WDR7: variants seen among roughly 807,000 people sequenced by gnomAD.
The protein encoded by WDR7 is WD repeat-containing protein 7.
A neutral mutation model predicts 169.4 loss-of-function variants in WDR7; 46 were observed. That is an observed-to-expected ratio of 0.27 (90% confidence interval 0.21 to 0.35). WDR7 has a LOEUF of 0.35. WDR7 is among the 10% of genes least tolerant of loss of function. WDR7 has a pLI of 1.00. For synonymous variants in WDR7, 612 were observed against 666.8 expected (o/e 0.92, Z 1.27); for missense variants, 1,534 against 1,859.3 (o/e 0.83, Z 3.22).
intron 1 of WDR7, among the ~76,000 whole-genome samples, chr18:56,663,217 AATAC>A (rs2024942104): frequency 6.6e-6 from 1 of 152,216 alleles, no homozygotes; most frequent in Non-Finnish European, 1.5e-5. Flanking sequence ...CAAATACACA[AATAC>A]ACTGGGGGTT....
At chr18:56,871,949 A>G (rs571633274) in intron 20 of WDR7, among the ~76,000 whole-genome samples, 2 of 152,242 alleles carry the variant, frequency 1.3e-5, no homozygotes, top group Non-Finnish European at 2.9e-5. Flanking sequence ...CTCATTTCTA[A>G]ATAAAGAATT....
chr18:57,021,798 T>A (rs1157020700), intron 27 of WDR7, among the ~76,000 whole-genome samples: 10 of 152,230 alleles, frequency 6.6e-5, no homozygotes, highest in Non-Finnish European at 4.4e-5. Flanking sequence ...TTTATGAGAT[T>A]CAGTTTATTG....
intron 20 of WDR7, among the ~76,000 whole-genome samples, chr18:56,876,339 C>A (rs1325388684): frequency 1.3e-5 from 2 of 152,102 alleles, no homozygotes; most frequent in Non-Finnish European, 2.9e-5. Context: ...GACCTCCAAT[C>A]AAGATGGCTC....
intron 20 of WDR7, among the ~76,000 whole-genome samples, chr18:56,819,893 T>G (rs2045057049): frequency 6.6e-6 from 1 of 152,260 alleles, no homozygotes; most frequent in East Asian, 1.9e-4. Flanking sequence ...ATCACTTAAT[T>G]GCTATGTAGA....
intron 20 of WDR7, among the ~76,000 whole-genome samples, chr18:56,847,290 G>A (rs1254657165): frequency 6.6e-6 from 1 of 152,122 alleles, no homozygotes; most frequent in Admixed American, 6.5e-5. Context: ...TAGAGTATTT[G>A]GCCAAAGAAA....
In WDR7 at chr18:56,883,093, C is replaced by A. The variant is rs569713457; in HGVS notation, c.3526+2928C>A. Reference sequence around the variant, plus strand: ...GATGCGGTGGCAGGCGCCTGTAGTCCCAGCTGCTCGGGAGGCTGAGGCAGG... The same window carrying A: ...GATGCGGTGGCAGGCGCCTGTAGTCACAGCTGCTCGGGAGGCTGAGGCAGG... On this transcript the variant is annotated intron_variant, in intron 21 of 27. Transcript: ENST00000254442. 1.5e-3 allele frequency among the ~76,000 whole-genome samples: 221 copies of A among 151,956 alleles called. 2 individuals carry two copies. Among genetic ancestry groups the A allele is most frequent in the African/African-American group, 5.2e-3 (215 of 41,448 alleles).
chr18:56,921,960 A>T (rs933208358), intron 21 of WDR7, among the ~76,000 whole-genome samples: 6 of 152,122 alleles, frequency 3.9e-5, no homozygotes, highest in Non-Finnish European at 7.4e-5. Context: ...AAATGACTGA[A>T]ATGCTGTAAA....
chr18:56,768,746 A>C (rs2044106932), intron 16 of WDR7, among the ~76,000 whole-genome samples: 1 of 152,090 alleles, frequency 6.6e-6, no homozygotes, highest in Admixed American at 6.6e-5. Flanking sequence ...GTGCACATTG[A>C]CTTACAATGT....
intron 26 of WDR7, among the ~76,000 whole-genome samples, chr18:57,013,034 CA>C (rs2048158771): frequency 6.6e-6 from 1 of 152,206 alleles, no homozygotes; most frequent in African/African-American, 2.4e-5. Flanking sequence ...CAACAGTCCC[CA>C]ACCTTTTTGG....
chr18:56,828,919 T>G (rs985147043), intron 20 of WDR7, among the ~76,000 whole-genome samples: 1 of 152,018 alleles, frequency 6.6e-6, no homozygotes, highest in Non-Finnish European at 1.5e-5. Flanking sequence ...GTGATCCAGA[T>G]AATCTTTATA....
At chr18:56,994,467 A>C (rs994702889) in intron 26 of WDR7, among the ~76,000 whole-genome samples, 1 of 152,098 alleles carries the variant, frequency 6.6e-6, no homozygotes, top group African/African-American at 2.4e-5. Flanking sequence ...GATTCTGTTA[A>C]ATTTTTACCA....
intron 20 of WDR7, among the ~76,000 whole-genome samples, chr18:56,878,568 G>A (rs1014817557): frequency 6.6e-6 from 1 of 152,110 alleles, no homozygotes; most frequent in Non-Finnish European, 1.5e-5. Context: ...CAAATGTACT[G>A]AGATAAGATG....
At chr18:56,901,758 G>A (rs370391048) in intron 21 of WDR7, among the ~76,000 whole-genome samples, 6 of 152,046 alleles carry the variant, frequency 3.9e-5, no homozygotes, top group African/African-American at 1.4e-4. Flanking sequence ...CTTATCCTCA[G>A]TCCCAGTGGT....
chr18:57,020,622 C>T, intron 26 of WDR7, 123 bp from the exon 27 acceptor site: 1 of 856,926 alleles, frequency 1.2e-6, no homozygotes. Flanking sequence ...ATTTTATAAA[C>T]AAAGAAGATA....
chr18:56,966,607 A>C (rs1417940828), intron 26 of WDR7, among the ~76,000 whole-genome samples: 1 of 152,102 alleles, frequency 6.6e-6, no homozygotes, highest in Non-Finnish European at 1.5e-5. Flanking sequence ...CTAGTACTCT[A>C]TAAGTAGTAG....
intron 25 of WDR7, among the ~76,000 whole-genome samples, chr18:56,956,482 C>A (rs1331361849): frequency 6.6e-6 from 1 of 152,086 alleles, no homozygotes; most frequent in East Asian, 1.9e-4. Flanking sequence ...AGAACCTACC[C>A]TTGAATCTTT....
At chr18:56,889,734 G>A (rs1481834360) in intron 21 of WDR7, among the ~76,000 whole-genome samples, 1 of 152,186 alleles carries the variant, frequency 6.6e-6, no homozygotes, top group Non-Finnish European at 1.5e-5. Flanking sequence ...ATTCAGAACT[G>A]CTGCTACAGA....
At chr18:56,957,235 G>A (rs956942659) in intron 25 of WDR7, 30 of 152,160 alleles carry the variant, frequency 2.0e-4, no homozygotes, top group African/African-American at 7.0e-4. Context: ...AGTATGTGTA[G>A]TATGTACATC....
intron 25 of WDR7, among the ~76,000 whole-genome samples, chr18:56,954,612 G>A (rs2047226501): frequency 6.6e-6 from 1 of 152,058 alleles, no homozygotes; most frequent in East Asian, 1.9e-4. Context: ...GGGGGTGATG[G>A]GAGGGAATTA....
Sources: gnomAD v4.1 joint callset for allele counts (sites outside exome capture counted in the v4.1 genomes callset) on GRCh38, gnomAD v4.1.1 for gene constraint, MANE v1.5 for transcripts, NCBI Gene and HGNC (gene_info 2026-07-23, HGNC 2026-07-21) for gene names.